The following PDE2A variants were observed in gnomAD, a reference collection of about 807,000 sequenced individuals.
PDE2A encodes the protein cGMP-dependent 3',5'-cyclic phosphodiesterase.
PDE2A carries 53 observed loss-of-function variants against 133.6 expected under a neutral mutation model. That is an observed-to-expected ratio of 0.40 (90% CI 0.32 to 0.50). The LOEUF is 0.50. PDE2A is among the 20% of genes least tolerant of loss of function. PDE2A has a pLI of 0.73. For synonymous variants in PDE2A, 491 were observed against 490.2 expected (o/e 1.00, Z -0.02); for missense variants, 796 against 1,232.4 (o/e 0.65, Z 5.30).
chr11:72,604,036 A>T (rs777896173), intron 4 of PDE2A, among the ~76,000 whole-genome samples: 1 of 152,200 alleles, frequency 6.6e-6, no homozygotes, highest in Non-Finnish European at 1.5e-5. Context: ...TCCCTGGACC[A>T]CCTGGCCTGC....
At chr11:72,615,156 G>T in intron 2 of PDE2A, 2 of 477,888 alleles carry the variant, frequency 4.2e-6, no homozygotes, top group East Asian at 5.8e-5. Flanking sequence ...TGCCTCCCAA[G>T]GGTGTCCCCA....
At position 72,589,609 on chromosome 11, in the gene PDE2A, T is replaced by A. The variant is rs538470869; in HGVS notation, c.873+142A>T. ...CACAGGTTGTGATCCCTGCAGCATT[T>A]CTAAGTAGTCCCAAGATCCAGATAA... is the stretch of plus-strand genomic sequence containing the variant. On this transcript the variant is annotated intron_variant, in intron 11 of 30. Transcript: ENST00000334456. The A allele has an allele frequency of 7.4e-5, 55 of 740,076 alleles. 1 individual carries two copies. The highest frequency in any genetic ancestry group is 1.3e-4 in the Non-Finnish European group (54 of 427,928). 45.8% of individuals were successfully genotyped at this position (740,076 alleles called of 1,614,324 possible).
rs768869243 is a variant in PDE2A, at chr11:72,584,175, C to T, written c.1650+26G>A. ...GTGGGCCCCGCCCCCTATCACCCCA[C>T]ACCCCACTCCCAACCCCGCCCTCAC... is the stretch of plus-strand genomic sequence containing the variant. On this transcript the variant is annotated intron_variant, in intron 19 of 30. Coordinates refer to ENST00000334456, the MANE Select transcript of PDE2A (RefSeq NM_002599.5). The T allele has an allele frequency of 4.4e-6, 5 of 1,138,924 alleles. No individual in the cohort carries two copies. The Admixed American group carries it at 7.2e-5, about 16-fold the overall frequency. The allele number at this position is 1,138,924 out of a possible 1,614,324, so 70.6% of individuals were successfully genotyped here. A position where few individuals can be genotyped will look rare whatever the true frequency, so the allele number is the denominator to read the frequency against.
chr11:72,613,214 G>A (rs1477775856), intron 2 of PDE2A, among the ~76,000 whole-genome samples: 1 of 152,060 alleles, frequency 6.6e-6, no homozygotes, highest in Non-Finnish European at 1.5e-5. Context: ...TCTCTGGAAG[G>A]AAGCCTCACA....
chr11:72,621,706 CTG>C (rs1315982543), intron 2 of PDE2A: 2 of 152,310 alleles, frequency 1.3e-5, no homozygotes, highest in African/African-American at 4.8e-5. Flanking sequence ...CACACTGGCT[CTG>C]TGTCACTGTT....
chr11:72,615,908 C>T (rs1259108471), intron 2 of PDE2A, among the ~76,000 whole-genome samples: 1 of 152,176 alleles, frequency 6.6e-6, no homozygotes, highest in Non-Finnish European at 1.5e-5. Context: ...GGTGTGCAAG[C>T]AAGGGCCAAG....
At chr11:72,612,274 TCCACACACACACACACAC>T (rs1857241427) in intron 2 of PDE2A, among the ~76,000 whole-genome samples, 3 of 112,822 alleles carry the variant, frequency 2.7e-5, no homozygotes, top group African/African-American at 7.6e-5. Context: ...GCACATCACA[TCCACACACACACACACAC>T]ACACACACAC....
chr11:72,610,568 C>T (rs1340717600), intron 2 of PDE2A, among the ~76,000 whole-genome samples: 2 of 152,164 alleles, frequency 1.3e-5, no homozygotes, highest in South Asian at 2.1e-4. Context: ...GCTTACTCAG[C>T]ATCGCTTTCC....
chr11:72,652,351 A>T (rs1854763665), intron 1 of PDE2A, among the ~76,000 whole-genome samples: 1 of 152,058 alleles, frequency 6.6e-6, no homozygotes, highest in Admixed American at 6.5e-5. Flanking sequence ...GGCTCAAGTG[A>T]TCCTCCTGCC....
chr11:72,579,193 G>C lies in PDE2A; in HGVS notation c.2356+91C>G, dbSNP rs192957389. 5 of 1,047,766 alleles carry C rather than the reference G, an allele frequency of 4.8e-6. No individual in the cohort carries two copies. In the African/African-American group the frequency reaches 7.8e-5, roughly 16 times the overall value. 64.9% of individuals were successfully genotyped at this position (1,047,766 alleles called of 1,614,324 possible). A position where few individuals can be genotyped will look rare whatever the true frequency, so the allele number is the denominator to read the frequency against. On this transcript the variant is annotated intron_variant, in intron 27 of 30. Transcript: ENST00000334456. The stretch of plus-strand genomic sequence containing the variant: ...CCAGAGAAGGGTTGATGTTGCAGGG[G>C]ATGGGTCTGCACCCTGGGAATGCTC...
chr11:72,657,298 C>T (rs982603548), intron 1 of PDE2A, among the ~76,000 whole-genome samples: 9 of 152,042 alleles, frequency 5.9e-5, no homozygotes, highest in Admixed American at 2.6e-4. Flanking sequence ...CAGCCCAGGG[C>T]CTCAAACAGG....
At chr11:72,606,352 GC>G (rs1405580616) in intron 3 of PDE2A, among the ~76,000 whole-genome samples, 2 of 152,122 alleles carry the variant, frequency 1.3e-5, no homozygotes, top group African/African-American at 4.8e-5. Context: ...CGTGTTGAAG[GC>G]CCACCCTCAG....
chr11:72,585,516 G>A (rs754055684), intron 15 of PDE2A, 38 bp downstream of exon 15: 1 of 1,613,182 alleles, frequency 6.2e-7, no homozygotes, highest in Non-Finnish European at 8.5e-7. Context: ...CAGCCCCCAT[G>A]CCCACACACA....
At chr11:72,664,249 G>T (rs2135461475) in intron 1 of PDE2A, among the ~76,000 whole-genome samples, 1 of 152,114 alleles carries the variant, frequency 6.6e-6, no homozygotes, top group Admixed American at 6.5e-5. Context: ...TGTCCTGCTG[G>T]TTCCCTTAAG....
chr11:72,634,284 G>A (rs1352368322), intron 2 of PDE2A, among the ~76,000 whole-genome samples: 8 of 152,150 alleles, frequency 5.3e-5, no homozygotes, highest in Admixed American at 5.2e-4. Context: ...GAGGACTGGG[G>A]GCAGCTGTCA....
In PDE2A at chr11:72,589,235, T is replaced by A. The variant is rs772784509; in HGVS notation, c.879A>T (p.Thr293=). ...VLGEEVSFPL[T]GCLGQVVEDK... ...CTTCCACCACCTGGCCCAGGCATCC[T>A]GTCAACTAGGGGGTGAGGAGAGACT... Residue 293 remains threonine, a synonymous_variant, in exon 12 of 31, where the codon ACA becomes ACT. Transcript: ENST00000334456. 5.6e-6 allele frequency: 9 copies of A among 1,613,148 alleles called. No individual in the cohort carries two copies. Among genetic ancestry groups the A allele is most frequent in the Non-Finnish European group, 7.6e-6 (9 of 1,179,326 alleles).
At chr11:72,642,081 T>A (rs938273468) in intron 2 of PDE2A, among the ~76,000 whole-genome samples, 173 bp downstream of exon 2, 2 of 152,192 alleles carry the variant, frequency 1.3e-5, no homozygotes, top group Non-Finnish European at 2.9e-5. Context: ...ACGTGTGGAC[T>A]GAGAGCTGGG....
At position 72,674,158 on chromosome 11, in the gene PDE2A, G is replaced by T. The variant is rs1008268536; in HGVS notation, c.50C>A (p.Pro17Gln). Residue 17 changes from proline to glutamine, a missense_variant, in exon 1 of 31, where the codon CCG becomes CAG. Pro to Gln is a moderately conservative substitution (Grantham distance 76). Around this residue, in one of 7 missense-constraint regions of PDE2A, gnomAD observed 417 missense variants for 475.3 expected, o/e 0.88. Transcript: ENST00000334456. Reference protein sequence around the residue: ...HSILCRSQQYPAARPAEPRGQ... With the variant: ...HSILCRSQQYQAARPAEPRGQ... ...TCACGGCTCAGCCGGTCGCGCTGCC[G>T]GGTACTGCTGGCTCCTGCAGAGGAT... 6.2e-7 allele frequency: 1 copy of T among 1,613,034 alleles called. No homozygotes were observed.
chr11:72,579,795 G>A (rs1855638090), intron 25 of PDE2A, 187 bp from the exon 26 acceptor site: 2 of 592,934 alleles, frequency 3.4e-6, no homozygotes, highest in Non-Finnish European at 6.0e-6. Flanking sequence ...GACCCAGGGT[G>A]AGTCCCTAGA....
Sources: gnomAD v4.1 joint callset for allele counts (sites outside exome capture counted in the v4.1 genomes callset) on GRCh38, gnomAD v4.1.1 for gene constraint, gnomAD v4.1.1 regional missense constraint, MANE v1.5 for transcripts, NCBI Gene and HGNC (gene_info 2026-07-23, HGNC 2026-07-21) for gene names.